ERCC6L2: variants seen among roughly 807,000 people sequenced by gnomAD.
The protein encoded by ERCC6L2 is DNA excision repair protein ERCC-6-like 2.
A neutral mutation model predicts 132.0 loss-of-function variants in ERCC6L2; 77 were observed. The observed-to-expected ratio is 0.58, with a 90% CI of 0.49 to 0.71. ERCC6L2 has a LOEUF of 0.71. Ranked by LOEUF, ERCC6L2 falls within the 30% of genes least tolerant of loss-of-function variation. ERCC6L2 has a pLI of 0.00. For missense variants in ERCC6L2, 1,542 were observed against 1,837.6 expected (o/e 0.84, Z 2.94); for synonymous variants, 583 against 632.4 (o/e 0.92, Z 1.17).
Position 95,966,681 on chromosome 9 carries a change from C to G in ERCC6L2, c.2067C>G (p.Ser689=). 1 of 1,502,464 alleles carries G rather than the reference C, an allele frequency of 6.7e-7. No homozygotes were observed. Among genetic ancestry groups the G allele is most frequent in the Non-Finnish European group, 9.0e-7 (1 of 1,105,460 alleles). 93.1% of individuals were successfully genotyped at this position (1,502,464 alleles called of 1,614,324 possible). A position where few individuals can be genotyped will look rare whatever the true frequency, so the allele number is the denominator to read the frequency against. Residue 689 remains serine (S), a synonymous_variant, in exon 14 of 19, where the codon TCC becomes TCG. Transcript: ENST00000653738. ...TCCATAACCTCTTCAAATTTAGGTCCCAAGGGTCTTGTCTTACGAAGGACA... is the reference window on the plus strand; with the variant it reads ...TCCATAACCTCTTCAAATTTAGGTCGCAAGGGTCTTGTCTTACGAAGGACA... ...FGIHNLFKFR[S]QGSCLTKDIL... is the part of the protein sequence containing the mutation.
chr9:95,972,278 C>G lies in ERCC6L2; in HGVS notation c.2527C>G (p.Leu843Val). The change falls in exon 16 of 19, where the codon CTT becomes GTT. Residue 843 changes from leucine to valine, a missense_variant. Around this residue, in one of 4 missense-constraint regions of ERCC6L2, gnomAD observed 945 missense variants for 1,105.2 expected, o/e 0.86. Transcript: ENST00000653738. ...TGGTTGTGAGAAAAATCAGGACTCT[C>G]TTGGTACTTCAAAACATCAGAAATT... ...DAGCEKNQDS[L>V]GTSKHQKLDN... 2 of 1,301,278 alleles carry G rather than the reference C, an allele frequency of 1.5e-6. No individual in the cohort carries two copies. The highest frequency in any genetic ancestry group is 1.2e-5 in the South Asian group (1 of 80,162). 80.6% of individuals were successfully genotyped at this position (1,301,278 alleles called of 1,614,324 possible). A position where few individuals can be genotyped will look rare whatever the true frequency, so the allele number is the denominator to read the frequency against.
At chr9:96,008,427 C>G (rs1338445377) in intron 18 of ERCC6L2, among the ~76,000 whole-genome samples, 1 of 152,146 alleles carries the variant, frequency 6.6e-6, no homozygotes, top group Non-Finnish European at 1.5e-5. Flanking sequence ...ATCTAGCTTT[C>G]TTTTCCATGT....
At chr9:95,906,955 T>C (rs1328753013) in intron 3 of ERCC6L2, 123 bp from the exon 4 acceptor site, 5 of 670,926 alleles carry the variant, frequency 7.5e-6, no homozygotes, top group South Asian at 1.9e-5. Context: ...CAGTTGTATT[T>C]ATTGTTACTA....
At chr9:95,992,121 TA>T (rs1833322100) in intron 17 of ERCC6L2, among the ~76,000 whole-genome samples, 1 of 152,220 alleles carries the variant, frequency 6.6e-6, no homozygotes, top group African/African-American at 2.4e-5. Flanking sequence ...AGCCAAATAT[TA>T]AAGACATTTG....
At chr9:95,964,006 T>A (rs753723802) in intron 13 of ERCC6L2, among the ~76,000 whole-genome samples, 1 of 152,168 alleles carries the variant, frequency 6.6e-6, no homozygotes, top group Admixed American at 6.6e-5. Flanking sequence ...GTAATTGATA[T>A]GTAGTTTATG....
At position 96,013,347 on chromosome 9, in the gene ERCC6L2, G is replaced by A; in HGVS notation, c.*144G>A. ...GCTTTAGGATTTTTTGAAGTCTAAAGTATTGTCATGGATCTGTTTTTCTTG... is the reference window on the plus strand; with the variant it reads ...GCTTTAGGATTTTTTGAAGTCTAAAATATTGTCATGGATCTGTTTTTCTTG... On this transcript the variant is annotated 3_prime_UTR_variant, in exon 19 of 19. Coordinates refer to ENST00000653738, the MANE Select transcript of ERCC6L2 (RefSeq NM_020207.7). 3.4e-6 allele frequency: 2 copies of A among 580,918 alleles called. No homozygotes were observed. The highest frequency in any genetic ancestry group is 5.1e-6 in the Non-Finnish European group (2 of 392,780). The allele number at this position is 580,918 out of a possible 1,614,324, so 36.0% of individuals were successfully genotyped here. A position where few individuals can be genotyped will look rare whatever the true frequency, so the allele number is the denominator to read the frequency against.
intron 17 of ERCC6L2, among the ~76,000 whole-genome samples, chr9:95,983,306 A>G (rs1302787474): frequency 1.3e-5 from 2 of 152,222 alleles, no homozygotes; most frequent in Non-Finnish European, 2.9e-5. Context: ...ATGGACTGGG[A>G]ATGACAGAAA....
intron 19 of ERCC6L2, among the ~76,000 whole-genome samples, chr9:96,025,053 A>T (rs762667849): frequency 6.6e-6 from 1 of 152,192 alleles, no homozygotes; most frequent in Non-Finnish European, 1.5e-5. Flanking sequence ...TTCCTGAACC[A>T]CTGGAATAGC....
chr9:95,971,485 A>G (rs554044964), intron 15 of ERCC6L2: 3 of 152,238 alleles, frequency 2.0e-5, no homozygotes, highest in African/African-American at 7.2e-5. Context: ...AATTAGAACA[A>G]TTTTCCAGTC....
intron 4 of ERCC6L2, among the ~76,000 whole-genome samples, chr9:95,908,031 C>T (rs1334898433): frequency 6.6e-6 from 1 of 151,838 alleles, no homozygotes; most frequent in Non-Finnish European, 1.5e-5. Flanking sequence ...AGCAGATTAC[C>T]GATAGGATAA....
intron 6 of ERCC6L2, 143 bp from the exon 7 acceptor site, chr9:95,921,032 C>T (rs1829840522): frequency 1.4e-6 from 1 of 692,998 alleles, no homozygotes; most frequent in Non-Finnish European, 2.2e-6. Context: ...TCCTTGGCTT[C>T]CCAAAGTATT....
chr9:95,937,550 C>G (rs548357412), intron 11 of ERCC6L2, among the ~76,000 whole-genome samples: 1 of 151,820 alleles, frequency 6.6e-6, no homozygotes, highest in Non-Finnish European at 1.5e-5. Flanking sequence ...TTCAGGTTGT[C>G]TGTTTCATTT....
chr9:95,895,539 C>G (rs773297281), intron 2 of ERCC6L2, among the ~76,000 whole-genome samples: 1 of 151,900 alleles, frequency 6.6e-6, no homozygotes, highest in Non-Finnish European at 1.5e-5. Context: ...ACTTTATTAT[C>G]CCCTTTTATT....
chr9:95,897,513 G>C (rs1214055932), intron 2 of ERCC6L2, among the ~76,000 whole-genome samples: 5 of 152,122 alleles, frequency 3.3e-5, no homozygotes, highest in Admixed American at 3.3e-4. Context: ...AATGTATACA[G>C]TTTATTCTGA....
chr9:95,883,844 G>A (rs768727518), intron 2 of ERCC6L2, among the ~76,000 whole-genome samples: 6 of 152,186 alleles, frequency 3.9e-5, no homozygotes, highest in African/African-American at 7.2e-5. Flanking sequence ...GCAACAGAGT[G>A]AGACTCTGTC....
intron 17 of ERCC6L2, among the ~76,000 whole-genome samples, chr9:95,993,115 G>A (rs1833357136): frequency 6.6e-6 from 1 of 152,098 alleles, no homozygotes; most frequent in Admixed American, 6.5e-5. Flanking sequence ...GAGACTGGTA[G>A]GAGTCCCAGA....
chr9:95,919,818 AG>A (rs1829776292), intron 6 of ERCC6L2, among the ~76,000 whole-genome samples: 1 of 152,260 alleles, frequency 6.6e-6, no homozygotes, highest in Non-Finnish European at 1.5e-5. Context: ...GGGTTTCAAG[AG>A]ACGGATCTTG....
At chr9:95,981,998 A>G (rs770657862) in intron 17 of ERCC6L2, among the ~76,000 whole-genome samples, 8 of 152,164 alleles carry the variant, frequency 5.3e-5, no homozygotes, top group Admixed American at 2.0e-4. Flanking sequence ...CTAAGAAACT[A>G]TATCTGTATT....
chr9:95,964,081 G>A (rs1443790180), intron 13 of ERCC6L2, among the ~76,000 whole-genome samples: 5 of 152,082 alleles, frequency 3.3e-5, no homozygotes, highest in African/African-American at 1.2e-4. Flanking sequence ...GTGTTCATTC[G>A]TGATTCCTGC....
Sources: gnomAD v4.1 joint callset for allele counts (sites outside exome capture counted in the v4.1 genomes callset) on GRCh38, gnomAD v4.1.1 for gene constraint, gnomAD v4.1.1 regional missense constraint, MANE v1.5 for transcripts, NCBI Gene and HGNC (gene_info 2026-07-23, HGNC 2026-07-21) for gene names.